Variants in MSN observed in about 807,000 individuals in gnomAD.
MSN encodes the protein epididymis luminal protein 70.
In MSN, 2 loss-of-function variants were observed where a neutral mutation model predicts 48.0. The ratio of observed to expected loss-of-function variants is 0.04; its 90% CI spans 0.02 to 0.13. The LOEUF (loss-of-function observed/expected upper bound fraction) is 0.13, where lower values mean the gene tolerates loss of function less well. Ranked by LOEUF, MSN falls within the 10% of genes least tolerant of loss-of-function variation. MSN has a pLI of 1.00. For missense variants in MSN, 267 were observed against 470.1 expected, an observed-to-expected ratio of 0.57 and a Z score of 3.99; for synonymous variants, 146 against 166.9, an observed-to-expected ratio of 0.87 and a Z score of 0.97.
chrX:65,724,780 A>G (rs5965005), intron 2 of MSN, among the ~76,000 whole-genome samples: 19,436 of 110,342 alleles, frequency 0.18, 4,247 homozygotes, highest in African/African-American at 0.61. Context: ...TCCACCTCCC[A>G]GGTTCAAGCT....
chrX:65,611,157 C>A (rs747197617), intron 1 of MSN, among the ~76,000 whole-genome samples: 2 of 96,098 alleles, frequency 2.1e-5, no homozygotes, highest in Non-Finnish European at 3.8e-5. Context: ...TTCTTTCTTT[C>A]TTTCTTTCTA....
chrX:65,719,648 C>T (rs1287500409), intron 2 of MSN, among the ~76,000 whole-genome samples: 2 of 111,438 alleles, frequency 1.8e-5, no homozygotes, highest in Non-Finnish European at 3.8e-5. Context: ...GAGAGGGAAG[C>T]GGTTAGTCAG....
intron 1 of MSN, among the ~76,000 whole-genome samples, chrX:65,716,336 T>G (rs1294514087): frequency 9.0e-6 from 1 of 111,498 alleles, no homozygotes; most frequent in Non-Finnish European, 1.9e-5. Flanking sequence ...AGTGCAGTGG[T>G]GTGATCTCGG....
At chrX:65,667,930 C>T (rs747816078) in intron 1 of MSN, 77 bp downstream of exon 1, 3 of 1,087,970 alleles carry the variant, frequency 2.8e-6, no homozygotes, top group Admixed American at 2.4e-5. Flanking sequence ...TGGCTGAGGG[C>T]TTGGCCAGCC....
chrX:65,625,454 T>C (rs1438558330), intron 1 of MSN: 5 of 112,538 alleles, frequency 4.4e-5, no homozygotes, highest in Non-Finnish European at 9.4e-5. Flanking sequence ...TTTGAGGTTT[T>C]AACTGTTTGT....
At chrX:65,590,353 A>G (rs1303893294) in intron 1 of MSN, among the ~76,000 whole-genome samples, 1 of 111,346 alleles carries the variant, frequency 9.0e-6, no homozygotes, top group Non-Finnish European at 1.9e-5. Flanking sequence ...GCATGTGTGA[A>G]TGCCTTCTGC....
intron 1 of MSN, among the ~76,000 whole-genome samples, chrX:65,709,189 G>T: frequency 9.0e-6 from 1 of 111,282 alleles, no homozygotes. Context: ...TAGTGGGATT[G>T]CTGGATCATA....
intron 1 of MSN, among the ~76,000 whole-genome samples, chrX:65,635,379 G>A (rs971861430): frequency 1.8e-5 from 2 of 111,303 alleles, no homozygotes; most frequent in Admixed American, 1.9e-4. Context: ...GTTATATCCT[G>A]GGCTCTCTCT....
intron 1 of MSN, among the ~76,000 whole-genome samples, chrX:65,659,540 C>A (rs969104654): frequency 2.7e-5 from 3 of 111,638 alleles, no homozygotes; most frequent in African/African-American, 9.8e-5. Flanking sequence ...ACATTCCCAG[C>A]CCCCAAGGAA....
chrX:65,664,772 C>T (rs557209886), upstream of MSN, among the ~76,000 whole-genome samples: 3 of 96,494 alleles, frequency 3.1e-5, no homozygotes, highest in South Asian at 1.1e-3. Context: ...TTTTTTAAGA[C>T]AGTGTTTTGC....
At chrX:65,683,919 C>CT (rs1306388374) in intron 1 of MSN, among the ~76,000 whole-genome samples, 5 of 106,799 alleles carry the variant, frequency 4.7e-5, no homozygotes, top group Admixed American at 1.0e-4. Flanking sequence ...AACATAAACT[C>CT]TTTTTTTTCT....
intron 1 of MSN, among the ~76,000 whole-genome samples, chrX:65,669,376 T>C (rs1276681707): frequency 1.8e-5 from 2 of 111,279 alleles, no homozygotes; most frequent in East Asian, 2.8e-4. Context: ...TCTCTGGGAA[T>C]AGACATTGCT....
chrX:65,685,467 T>C (rs2071105658), intron 1 of MSN, among the ~76,000 whole-genome samples: 1 of 112,248 alleles, frequency 8.9e-6, no homozygotes, highest in African/African-American at 3.2e-5. Context: ...TATGTGTGTG[T>C]TTGTGATAGG....
At chrX:65,657,220 C>T (rs1256508099) in intron 1 of MSN, among the ~76,000 whole-genome samples, 2 of 111,545 alleles carry the variant, frequency 1.8e-5, no homozygotes, top group Non-Finnish European at 3.8e-5. Context: ...ACACAAAAGA[C>T]GACGCCAACA....
At chrX:65,703,268 A>C (rs1229638461) in intron 1 of MSN, among the ~76,000 whole-genome samples, 1 of 111,159 alleles carries the variant, frequency 9.0e-6, no homozygotes, top group Non-Finnish European at 1.9e-5. Flanking sequence ...ATTACTGTTC[A>C]ATTATTTTCT....
intron 1 of MSN, among the ~76,000 whole-genome samples, chrX:65,594,916 C>G (rs1365978158): frequency 9.0e-6 from 1 of 111,699 alleles, no homozygotes; most frequent in Non-Finnish European, 1.9e-5. Context: ...CCTTAGTATG[C>G]ACCTGTTTCT....
At chrX:65,601,403 C>T (rs753929246) in intron 1 of MSN, among the ~76,000 whole-genome samples, 1 of 112,191 alleles carries the variant, frequency 8.9e-6, no homozygotes. Flanking sequence ...TGTGTCACAC[C>T]TTCCTCCCTC....
chrX:65,647,305 G>A (rs758041455), intron 1 of MSN, among the ~76,000 whole-genome samples: 1 of 105,953 alleles, frequency 9.4e-6, no homozygotes, highest in South Asian at 4.4e-4. Context: ...TCCACCTCCC[G>A]GGTTCAAGCA....
At chrX:65,618,650 ACT>A (rs1469801017) in intron 1 of MSN, among the ~76,000 whole-genome samples, 1 of 110,549 alleles carries the variant, frequency 9.0e-6, no homozygotes, top group Non-Finnish European at 1.9e-5. Context: ...TTGGGTCTTG[ACT>A]CTTTATCCAA....
Sources: gnomAD v4.1 joint callset for allele counts (sites outside exome capture counted in the v4.1 genomes callset) on GRCh38, gnomAD v4.1.1 for gene constraint, MANE v1.5 for transcripts, NCBI Gene and HGNC (gene_info 2026-07-23, HGNC 2026-07-21) for gene names.